GALNT13: variants seen among roughly 807,000 people sequenced by gnomAD.
GALNT13 encodes the protein polypeptide N-acetylgalactosaminyltransferase 13.
A neutral mutation model predicts 64.2 loss-of-function variants in GALNT13; 28 were observed. That is an observed-to-expected ratio of 0.44 (90% confidence interval 0.32 to 0.60). The LOEUF (loss-of-function observed/expected upper bound fraction) is 0.60. Ranked by LOEUF, GALNT13 falls within the 20% of genes least tolerant of loss-of-function variation. GALNT13 has a pLI of 0.05. For missense variants in GALNT13, 577 were observed against 669.8 expected, an observed-to-expected ratio of 0.86 and a Z score of 1.53; for synonymous variants, 214 against 224.6, an observed-to-expected ratio of 0.95 and a Z score of 0.42.
At chr2:154,347,357 T>C (rs978565382) in intron 9 of GALNT13, among the ~76,000 whole-genome samples, 1 of 152,172 alleles carries the variant, frequency 6.6e-6, no homozygotes, top group African/African-American at 2.4e-5. Context: ...TGTTATAATA[T>C]TTTATTCCCA....
At chr2:153,096,079 A>G in the GALNT13 span, among the ~76,000 whole-genome samples, 1 of 152,038 alleles carries the variant, frequency 6.6e-6, no homozygotes, top group Non-Finnish European at 1.5e-5. Flanking sequence ...TTAGCTTCAA[A>G]AAAACAAATT....
At chr2:153,415,307 A>G in the GALNT13 span, among the ~76,000 whole-genome samples, 1 of 152,160 alleles carries the variant, frequency 6.6e-6, no homozygotes, top group Non-Finnish European at 1.5e-5. Flanking sequence ...TGGGAGGCTG[A>G]CTAGTTCACA....
the GALNT13 span, among the ~76,000 whole-genome samples, chr2:153,805,969 T>C: frequency 1.3e-5 from 2 of 152,032 alleles, no homozygotes; most frequent in South Asian, 4.1e-4. Flanking sequence ...ATATAGTGTG[T>C]GTATGTGTAT....
At chr2:154,267,908 GA>G (rs1286333444) in intron 8 of GALNT13, among the ~76,000 whole-genome samples, 1 of 152,078 alleles carries the variant, frequency 6.6e-6, no homozygotes, top group Non-Finnish European at 1.5e-5. Context: ...AGTTAGTGGG[GA>G]AATGAAATTT....
At chr2:153,312,783 T>C in the GALNT13 span, among the ~76,000 whole-genome samples, 3 of 152,204 alleles carry the variant, frequency 2.0e-5, no homozygotes, top group African/African-American at 7.2e-5. Context: ...GGTGGTGGTA[T>C]GTTCAAACTG....
chr2:154,431,151 G>T (rs1042188231), intron 11 of GALNT13, among the ~76,000 whole-genome samples: 2 of 151,914 alleles, frequency 1.3e-5, no homozygotes, highest in South Asian at 2.1e-4. Context: ...TTCATCTATG[G>T]ATTAAAAAAA....
the GALNT13 span, among the ~76,000 whole-genome samples, chr2:153,355,943 G>T: frequency 6.6e-6 from 1 of 152,132 alleles, no homozygotes; most frequent in African/African-American, 2.4e-5. Flanking sequence ...AAAAGAATTA[G>T]AATATGAATG....
chr2:154,038,064 G>A (rs901827662), intron 3 of GALNT13, among the ~76,000 whole-genome samples: 6 of 152,000 alleles, frequency 3.9e-5, no homozygotes, highest in Non-Finnish European at 7.4e-5. Flanking sequence ...GCTTGAACCC[G>A]GGAGGTTGAT....
the GALNT13 span, among the ~76,000 whole-genome samples, chr2:153,743,744 T>A: frequency 6.6e-6 from 1 of 152,166 alleles, no homozygotes; most frequent in East Asian, 1.9e-4. Context: ...AGTCACCCTG[T>A]TTTGCAATCA....
chr2:153,818,499 CTG>C, the GALNT13 span, among the ~76,000 whole-genome samples: 4 of 152,212 alleles, frequency 2.6e-5, no homozygotes, highest in African/African-American at 9.6e-5. Context: ...AGACAGCAGA[CTG>C]TGTGACCCCT....
intron 2 of GALNT13, among the ~76,000 whole-genome samples, chr2:153,914,475 C>T (rs1689191912): frequency 1.0e-5 from 1 of 100,124 alleles, no homozygotes; most frequent in South Asian, 4.2e-4. Flanking sequence ...AAGTGCGAGT[C>T]TCCGTCTCAA....
the GALNT13 span, among the ~76,000 whole-genome samples, chr2:153,100,559 T>C: frequency 6.6e-6 from 1 of 152,220 alleles, no homozygotes; most frequent in Admixed American, 6.5e-5. Context: ...ACGGCTCTTG[T>C]AGGATTATCA....
At chr2:154,150,431 A>T (rs1177461384) in intron 4 of GALNT13, among the ~76,000 whole-genome samples, 1 of 152,244 alleles carries the variant, frequency 6.6e-6, no homozygotes, top group Admixed American at 6.5e-5. Context: ...TATCAGGATG[A>T]TGCTGGCCTC....
At chr2:153,814,081 C>T in the GALNT13 span, among the ~76,000 whole-genome samples, 2 of 152,192 alleles carry the variant, frequency 1.3e-5, no homozygotes, top group Non-Finnish European at 2.9e-5. Context: ...AAGAAAGTAG[C>T]AGGCATCTGA....
chr2:153,725,688 C>T, the GALNT13 span, among the ~76,000 whole-genome samples: 5 of 152,022 alleles, frequency 3.3e-5, no homozygotes, highest in Non-Finnish European at 5.9e-5. Flanking sequence ...CCACCAGCTT[C>T]ACAGATGCTA....
In GALNT13 at chr2:154,451,883, A is replaced by T. The variant is rs1371794739; in HGVS notation, c.*1332A>T. The T allele has an allele frequency of 6.6e-6, 1 of 152,120 alleles. No individual in the cohort carries two copies. The highest frequency in any genetic ancestry group is 1.5e-5 in the Non-Finnish European group (1 of 68,012). The allele number at this position is 152,120 out of a possible 1,614,324, so 9.4% of individuals were successfully genotyped here. A position where few individuals can be genotyped will look rare whatever the true frequency, so the allele number is the denominator to read the frequency against. ...CAGCTAAGAGAAATTTGAGAGGAAAAGTGGAAGAAGTGTTTTCTGGAGCAG... is the reference window on the plus strand; with the variant it reads ...CAGCTAAGAGAAATTTGAGAGGAAATGTGGAAGAAGTGTTTTCTGGAGCAG... On this transcript the variant is annotated 3_prime_UTR_variant, in exon 13 of 13. Transcript: ENST00000392825.
the GALNT13 span, among the ~76,000 whole-genome samples, chr2:153,272,612 A>T: frequency 6.6e-6 from 1 of 152,168 alleles, no homozygotes; most frequent in South Asian, 2.1e-4. Flanking sequence ...GTCAGGAAAC[A>T]ACAGATGCTG....
the GALNT13 span, among the ~76,000 whole-genome samples, chr2:153,420,209 T>G: frequency 6.6e-6 from 1 of 152,204 alleles, no homozygotes; most frequent in African/African-American, 2.4e-5. Flanking sequence ...ACGTTTTTAA[T>G]GCCACTGGAC....
At chr2:154,107,007 A>G (rs761495645) in intron 3 of GALNT13, among the ~76,000 whole-genome samples, 7 of 150,628 alleles carry the variant, frequency 4.6e-5, no homozygotes, top group Non-Finnish European at 8.9e-5. Context: ...AGTTCCCAGG[A>G]CAGCTGGTTT....
Sources: gnomAD v4.1 joint callset for allele counts (sites outside exome capture counted in the v4.1 genomes callset) on GRCh38, gnomAD v4.1.1 for gene constraint, MANE v1.5 for transcripts, NCBI Gene and HGNC (gene_info 2026-07-23, HGNC 2026-07-21) for gene names.